The following KIAA0319L variants were observed in gnomAD, a reference collection of about 807,000 sequenced individuals.
KIAA0319L encodes the protein KIAA0319 like.
KIAA0319L carries 55 observed loss-of-function variants against 120.1 expected under a neutral mutation model. That is an observed-to-expected ratio of 0.46 (90% CI 0.37 to 0.57). KIAA0319L has a LOEUF of 0.57. Ranked by LOEUF, KIAA0319L falls within the 20% of genes least tolerant of loss-of-function variation. KIAA0319L has a pLI of 0.00. For synonymous variants in KIAA0319L, 398 were observed against 471.9 expected, an observed-to-expected ratio of 0.84 and a Z score of 2.03; for missense variants, 1,049 against 1,255.3, an observed-to-expected ratio of 0.84 and a Z score of 2.48.
chr1:35,495,949 C>G (rs1294408772), intron 3 of KIAA0319L, among the ~76,000 whole-genome samples: 1 of 148,568 alleles, frequency 6.7e-6, no homozygotes, highest in African/African-American at 2.5e-5. Flanking sequence ...CAAACCAAAA[C>G]CACAATGAGA....
At chr1:35,490,017 A>G (rs1401523796) in intron 3 of KIAA0319L, among the ~76,000 whole-genome samples, 1 of 152,008 alleles carries the variant, frequency 6.6e-6, no homozygotes, top group African/African-American at 2.4e-5. Context: ...CTGGAGTGCC[A>G]TGACGCGATC....
chr1:35,443,231 C>T (rs1484778688), intron 17 of KIAA0319L: 10 of 564,660 alleles, frequency 1.8e-5, no homozygotes, highest in Non-Finnish European at 3.2e-5. Context: ...TAGAAAGACA[C>T]TTCCAGCCTG....
chr1:35,541,626 A>G (rs1558649434), intron 2 of KIAA0319L, among the ~76,000 whole-genome samples: 2 of 152,106 alleles, frequency 1.3e-5, no homozygotes, highest in African/African-American at 4.8e-5. Context: ...CTGGGATTAT[A>G]GGTGTGAGCC....
chr1:35,483,365 A>G (rs1409001643), intron 3 of KIAA0319L, among the ~76,000 whole-genome samples: 1 of 152,212 alleles, frequency 6.6e-6, no homozygotes, highest in Admixed American at 6.5e-5. Context: ...CATAAGTTTT[A>G]TAGCTTTTAC....
intron 2 of KIAA0319L, among the ~76,000 whole-genome samples, chr1:35,516,283 T>C (rs1645678386): frequency 6.6e-6 from 1 of 152,106 alleles, no homozygotes; most frequent in Non-Finnish European, 1.5e-5. Context: ...TTGATGCACA[T>C]CAACACAAAA....
intron 3 of KIAA0319L, among the ~76,000 whole-genome samples, chr1:35,480,728 T>C (rs1644129689): frequency 6.6e-6 from 1 of 151,908 alleles, no homozygotes; most frequent in Admixed American, 6.6e-5. Flanking sequence ...GAGGCTGCAG[T>C]GAGCCGATAT....
chr1:35,537,645 G>C (rs1224218122), intron 2 of KIAA0319L, among the ~76,000 whole-genome samples: 1 of 148,348 alleles, frequency 6.7e-6, no homozygotes, highest in Middle Eastern at 3.3e-3. Context: ...AAACTGCAGT[G>C]GGCTGAACTG....
intron 4 of KIAA0319L, among the ~76,000 whole-genome samples, chr1:35,477,443 G>A (rs1032543988): frequency 1.8e-4 from 27 of 152,082 alleles, no homozygotes; most frequent in East Asian, 1.9e-4. Flanking sequence ...CAAGGCGGAC[G>A]GATCACAAGG....
At chr1:35,507,357 C>G (rs1234817259) in intron 2 of KIAA0319L, among the ~76,000 whole-genome samples, 1 of 152,096 alleles carries the variant, frequency 6.6e-6, no homozygotes, top group Non-Finnish European at 1.5e-5. Context: ...TAATTGTTCT[C>G]CTTCTCAATG....
intron 7 of KIAA0319L, among the ~76,000 whole-genome samples, chr1:35,463,663 C>T (rs1255373517): frequency 1.3e-5 from 2 of 152,118 alleles, no homozygotes; most frequent in Non-Finnish European, 2.9e-5. Context: ...CTACAAAGTA[C>T]AAGGAATGAA....
At chr1:35,498,734 T>C (rs756098435) in intron 3 of KIAA0319L, among the ~76,000 whole-genome samples, 10 of 152,220 alleles carry the variant, frequency 6.6e-5, no homozygotes, top group Non-Finnish European at 1.5e-4. Context: ...ACTTACCTGG[T>C]TACATAATCA....
At chr1:35,488,813 C>T (rs187789189) in intron 3 of KIAA0319L, among the ~76,000 whole-genome samples, 1 of 152,258 alleles carries the variant, frequency 6.6e-6, no homozygotes, top group Non-Finnish European at 1.5e-5. Context: ...GAATACACTG[C>T]AATCAGCAAC....
In KIAA0319L at chr1:35,455,574, T is replaced by A. The variant is rs1623365; in HGVS notation, c.1656+439A>T. Among the ~76,000 whole-genome samples the A allele has an allele frequency of 0.016, 1,004 of 64,110 alleles. 9 individuals are homozygous for A. The African/African-American group carries it at 0.22, about 14-fold the overall frequency. 42.1% of individuals were successfully genotyped at this position (64,110 alleles called of 152,430 possible). On this transcript the variant is annotated intron_variant, in intron 10 of 20. Transcript: ENST00000325722. ...CTCTAATACTAAACATTTAAGATAA[T>A]TTTTTTTTTTTTTTTTTTTTTTTTG...
intron 2 of KIAA0319L, among the ~76,000 whole-genome samples, chr1:35,515,334 A>G (rs1645637690): frequency 6.8e-6 from 1 of 146,610 alleles, no homozygotes; most frequent in African/African-American, 2.5e-5. Flanking sequence ...AAAAAGAACC[A>G]AAATTGTACC....
chr1:35,522,558 G>A (rs1009299113), intron 2 of KIAA0319L, among the ~76,000 whole-genome samples: 1 of 152,092 alleles, frequency 6.6e-6, no homozygotes, highest in Admixed American at 6.6e-5. Flanking sequence ...GATTACAGGC[G>A]TGAGCCACTG....
Position 35,479,137 on chromosome 1 carries a change from C to G in KIAA0319L, c.742G>C (p.Val248Leu), listed in dbSNP as rs769753959. 4.3e-6 allele frequency: 7 copies of G among 1,614,006 alleles called. No individual in the cohort carries two copies. Among genetic ancestry groups the G allele is most frequent in the Admixed American group, 1.7e-5 (1 of 60,004 alleles). ...TAELSGGPKN[V>L]SVQPEISEGL... ...TCTGATATTTCAGGTTGCACTGATACATTCTTTGGCCCACCAGACAGCTCT... is the reference window on the plus strand; with the variant it reads ...TCTGATATTTCAGGTTGCACTGATAGATTCTTTGGCCCACCAGACAGCTCT... The change falls in exon 4 of 21, where the codon GTA (valine) becomes CTA (leucine). Residue 248 changes from valine to leucine, a missense_variant. Val to Leu is a conservative substitution (Grantham distance 32). Transcript: ENST00000325722.
intron 3 of KIAA0319L, among the ~76,000 whole-genome samples, chr1:35,500,581 C>T (rs911697176): frequency 1.3e-5 from 2 of 152,244 alleles, no homozygotes; most frequent in Non-Finnish European, 2.9e-5. Context: ...TGCAGCTCTG[C>T]AGGCAGGCAA....
At position 35,456,150 on chromosome 1, in the gene KIAA0319L, C is replaced by T. The variant is rs755794086; in HGVS notation, c.1519G>A (p.Ala507Thr). 1.1e-5 allele frequency: 18 copies of T among 1,613,766 alleles called. No homozygotes were observed. Among genetic ancestry groups the T allele is most frequent in the Non-Finnish European group, 1.5e-5 (18 of 1,179,870 alleles). The change falls in exon 10 of 21, where the codon GCA (alanine) becomes ACA (threonine). Residue 507 changes from alanine to threonine, a missense_variant. Coordinates refer to ENST00000325722, the MANE Select transcript of KIAA0319L (RefSeq NM_024874.5). The stretch of plus-strand genomic sequence containing the variant: ...AGGGTGATCACTTGGTTGGGGCCTG[C>T]GTTGGCCACAGGGGGGTAATCCACA... Reference protein sequence around the residue: ...KAVDYPPVANAGPNQVITLPQ... With the variant: ...KAVDYPPVANTGPNQVITLPQ...
chr1:35,486,209 C>G (rs1022595012), intron 3 of KIAA0319L, among the ~76,000 whole-genome samples: 7 of 151,664 alleles, frequency 4.6e-5, no homozygotes, highest in African/African-American at 1.7e-4. Flanking sequence ...ATAGTGAGAC[C>G]CCGTGTCTAC....
Sources: allele counts gnomAD v4.1 joint callset (sites outside exome capture counted in the v4.1 genomes callset), GRCh38; gene constraint gnomAD v4.1.1; transcripts MANE v1.5; gene names NCBI Gene and HGNC (gene_info 2026-07-23, HGNC 2026-07-21).